SMC3: variants seen among roughly 807,000 people sequenced by gnomAD.
The protein encoded by SMC3 is structural maintenance of chromosomes protein 3.
Under a neutral mutation model 171.8 loss-of-function variants are expected in SMC3, and 20 were observed. The observed-to-expected ratio is 0.12, with a 90% CI of 0.08 to 0.17. SMC3 has a LOEUF of 0.17. Among genes scored for constraint, SMC3 ranks in the 10% least tolerant of loss-of-function variants. SMC3 has a pLI of 1.00. For missense variants in SMC3, 543 were observed against 1,420.4 expected (o/e 0.38, Z 9.93); for synonymous variants, 464 against 451.1 (o/e 1.03, Z -0.36).
Position 110,596,029 on chromosome 10 carries a change from G to A in SMC3, c.1964-369G>A, listed in dbSNP as rs566970081. 3.3e-5 allele frequency among the ~76,000 whole-genome samples: 5 copies of A among 150,290 alleles called. No homozygotes were observed. In the Admixed American group the frequency reaches 3.3e-4, roughly 10 times the overall value. On this transcript the variant is annotated intron_variant, in intron 18 of 28. Coordinates refer to ENST00000361804, the MANE Select transcript of SMC3 (RefSeq NM_005445.4). ...AAAGCATGAGGATCACTTGAGGGCA[G>A]GAGTTCGAGAACCGCCTGGGCACAT...
At chr10:110,599,610 T>TA in intron 20 of SMC3, 44 bp from the exon 21 acceptor site, 1 of 1,566,144 alleles carries the variant, frequency 6.4e-7, no homozygotes, top group African/African-American at 1.4e-5. Context: ...CTATAAGTAA[T>TA]ACAGTGGCTA....
Position 110,569,137 on chromosome 10 carries a change from G to A in SMC3, c.91+124G>A, listed in dbSNP as rs527669258. Reference sequence around the variant, plus strand: ...TGAATATTAAGTTATATTTTTCTGCGTGAAATAACTTTTCTGTCTTATTGC... The same window carrying A: ...TGAATATTAAGTTATATTTTTCTGCATGAAATAACTTTTCTGTCTTATTGC... On this transcript the variant is annotated intron_variant, in intron 2 of 28. Coordinates refer to ENST00000361804, the MANE Select transcript of SMC3 (RefSeq NM_005445.4). 46 of 716,060 alleles carry A rather than the reference G, an allele frequency of 6.4e-5. No individual in the cohort carries two copies. The African/African-American group carries it at 7.8e-4, about 12-fold the overall frequency. 44.4% of individuals were successfully genotyped at this position (716,060 alleles called of 1,614,324 possible). A position where few individuals can be genotyped will look rare whatever the true frequency, so the allele number is the denominator to read the frequency against.
Position 110,567,737 on chromosome 10 carries a change from C to A in SMC3, c.-80C>A, listed in dbSNP as rs1034673205. On this transcript the variant is annotated 5_prime_UTR_variant, in exon 1 of 29. Coordinates refer to ENST00000361804, the MANE Select transcript of SMC3 (RefSeq NM_005445.4). ...GAGCGGCGCTTTGGGGGAGGGGTCG[C>A]GTAGGCGCCTCACCTGACCCTGCGG... The A allele has an allele frequency of 1.9e-6, 3 of 1,554,192 alleles. No homozygotes were observed. Among genetic ancestry groups the A allele is most frequent in the South Asian group, 1.1e-5 (1 of 89,508 alleles).
chr10:110,583,398 A>G lies in SMC3; in HGVS notation c.819A>G (p.Gln273=), dbSNP rs752857063. Residue 273 remains glutamine, a synonymous_variant, in exon 11 of 29, where the codon CAA becomes CAG. Transcript: ENST00000361804. The part of the protein sequence containing the change: ...ARDKMEDIER[Q]VRELKTKISA... ...CTTTTGAATAGGATATCGAACGCCA[A>G]GTTAGAGAATTGAAAACAAAAATTT... 3 of 1,613,724 alleles carry G rather than the reference A, an allele frequency of 1.9e-6. No individual in the cohort carries two copies. The highest frequency in any genetic ancestry group is 1.3e-5 in the African/African-American group (1 of 75,036).
intron 7 of SMC3, among the ~76,000 whole-genome samples, 196 bp from the exon 8 acceptor site, chr10:110,580,708 G>A (rs1044037601): frequency 1.3e-5 from 2 of 152,052 alleles, no homozygotes; most frequent in Admixed American, 6.5e-5. Context: ...TTTGGATTTG[G>A]GTTGCTCATC....
At position 110,577,944 on chromosome 10, in the gene SMC3, T is replaced by A. The variant is rs7914351; in HGVS notation, c.350+30T>A. The A allele has an allele frequency of 2.8e-6, 4 of 1,441,622 alleles. No homozygotes were observed. The Admixed American group carries it at 5.0e-5, about 18-fold the overall frequency. The allele number at this position is 1,441,622 out of a possible 1,614,324, so 89.3% of individuals were successfully genotyped here. ...GCATTTTTCTTTTTTTTAAAAAAAC[T>A]GAATATGTACTTAAATAGAGATGGG... is the stretch of plus-strand genomic sequence containing the variant. On this transcript the variant is annotated intron_variant, in intron 6 of 28. Transcript: ENST00000361804.
intron 13 of SMC3, among the ~76,000 whole-genome samples, chr10:110,588,778 C>T (rs1198936751): frequency 2.6e-5 from 4 of 152,174 alleles, no homozygotes; most frequent in Non-Finnish European, 2.9e-5. Flanking sequence ...CTTAAGGAAA[C>T]AGCATCTTAC....
chr10:110,583,197 A>G (rs932915152), intron 10 of SMC3, among the ~76,000 whole-genome samples, 187 bp from the exon 11 acceptor site: 3 of 152,086 alleles, frequency 2.0e-5, no homozygotes, highest in African/African-American at 7.2e-5. Flanking sequence ...CAGCCATCGT[A>G]TGTTTTTGAC....
At chr10:110,601,931 ATTTAT>A in intron 24 of SMC3, 30 bp from the exon 25 acceptor site, 1 of 1,609,282 alleles carries the variant, frequency 6.2e-7, no homozygotes, top group South Asian at 1.1e-5. Context: ...CAGTATATAA[ATTTAT>A]TTATATGAAT....
At chr10:110,582,212 C>A (rs1010119633) in intron 9 of SMC3, 114 bp downstream of exon 9, 3 of 981,066 alleles carry the variant, frequency 3.1e-6, no homozygotes, top group South Asian at 1.4e-5. Flanking sequence ...TTAAAAAAAA[C>A]CTCTCAATGA....
intron 7 of SMC3, among the ~76,000 whole-genome samples, chr10:110,580,033 T>A (rs2134722234): frequency 6.6e-6 from 1 of 152,264 alleles, no homozygotes; most frequent in Non-Finnish European, 1.5e-5. Context: ...ATCAAAAATA[T>A]TTAAAATAAA....
intron 4 of SMC3, among the ~76,000 whole-genome samples, chr10:110,576,285 A>G (rs113633136): frequency 2.6e-5 from 4 of 152,310 alleles, no homozygotes; most frequent in African/African-American, 9.6e-5. Context: ...TCATTCAGCC[A>G]TTTGTTGAAC....
chr10:110,575,215 CAG>C (rs900198140), intron 3 of SMC3, 119 bp from the exon 4 acceptor site: 5 of 735,500 alleles, frequency 6.8e-6, no homozygotes, highest in Non-Finnish European at 1.2e-5. Flanking sequence ...CCATATGAAA[CAG>C]ATAATTTATT....
intron 2 of SMC3, among the ~76,000 whole-genome samples, chr10:110,570,602 TTTTC>T (rs1471112009): frequency 1.1e-4 from 16 of 152,204 alleles, no homozygotes; most frequent in East Asian, 1.9e-4. Context: ...TAGATTTCTG[TTTTC>T]TTTAACTTGC....
chr10:110,599,626 T>G (rs765964902), intron 20 of SMC3, 28 bp from the exon 21 acceptor site: 1 of 1,606,104 alleles, frequency 6.2e-7, no homozygotes, highest in East Asian at 2.2e-5. Context: ...GGCTAATACC[T>G]TACTAATAAA....
At position 110,575,385 on chromosome 10, in the gene SMC3, G is replaced by T. The variant is rs1860932595; in HGVS notation, c.180G>T (p.Gln60His). The change falls in exon 4 of 29, where the codon CAG (glutamine) becomes CAT (histidine). Residue 60 changes from glutamine to histidine, a missense_variant. Coordinates refer to ENST00000361804, the MANE Select transcript of SMC3 (RefSeq NM_005445.4). Reference sequence around the variant, plus strand: ...AGTTTAGTCATCTTCGTCCAGAACAGCGGTTGGCTTTATTGCATGTGAGTG... The same window carrying T: ...AGTTTAGTCATCTTCGTCCAGAACATCGGTTGGCTTTATTGCATGTGAGTG... Reference protein sequence around the residue: ...SDEFSHLRPEQRLALLHEGTG... With the variant: ...SDEFSHLRPEHRLALLHEGTG... 6.2e-7 allele frequency: 1 copy of T among 1,613,374 alleles called. No homozygotes were observed. Among genetic ancestry groups the T allele is most frequent in the Admixed American group, 1.7e-5 (1 of 60,022 alleles).
intron 13 of SMC3, among the ~76,000 whole-genome samples, chr10:110,588,723 C>G (rs2134734239): frequency 6.6e-6 from 1 of 152,280 alleles, no homozygotes; most frequent in South Asian, 2.1e-4. Flanking sequence ...ATTTTTTCAG[C>G]TCAGTATAGT....
At chr10:110,568,326 T>C (rs10787252) in intron 1 of SMC3, 174,401 of 175,316 alleles carry the variant, frequency 0.99, 86,750 homozygotes, top group Middle Eastern at 1. Flanking sequence ...GGAGCCGTTC[T>C]TCTCCCCAGT....
intron 17 of SMC3, 37 bp downstream of exon 17, chr10:110,591,169 T>C (rs778531097): frequency 3.8e-6 from 6 of 1,597,794 alleles, no homozygotes; most frequent in Admixed American, 3.3e-5. Context: ...TTCTCTTTTA[T>C]AATGTTATTT....
Sources: gnomAD v4.1 joint callset for allele counts (sites outside exome capture counted in the v4.1 genomes callset) on GRCh38, gnomAD v4.1.1 for gene constraint, MANE v1.5 for transcripts, NCBI Gene and HGNC (gene_info 2026-07-23, HGNC 2026-07-21) for gene names.